The following AGR3 variants were observed in gnomAD, a reference collection of about 807,000 sequenced individuals.
AGR3 encodes the protein anterior gradient 3, protein disulphide isomerase family member, also known as anterior gradient protein 3.
Under a neutral mutation model 24.5 loss-of-function variants are expected in AGR3, and 37 were observed. The ratio of observed to expected loss-of-function variants is 1.51; its 90% CI spans 1.16 to 1.99. AGR3 has a LOEUF of 1.99. Ranked by LOEUF, AGR3 falls within the 30% of genes most tolerant of loss-of-function variation. AGR3 has a pLI of 0.00. For missense variants in AGR3, 228 were observed against 191.1 expected, an observed-to-expected ratio of 1.19 and a Z score of -1.14; for synonymous variants, 75 against 61.6, an observed-to-expected ratio of 1.22 and a Z score of -1.02.
At chr7:16,873,881 A>C (rs747643619) in intron 2 of AGR3, 38 bp from the exon 3 acceptor site, 1 of 1,493,612 alleles carries the variant, frequency 6.7e-7, no homozygotes, top group African/African-American at 1.4e-5. Context: ...GTAACCCAGA[A>C]CTAGAGAAGA....
At chr7:16,877,735 C>T (rs1002360628) in intron 2 of AGR3, among the ~76,000 whole-genome samples, 21 of 151,722 alleles carry the variant, frequency 1.4e-4, no homozygotes, top group African/African-American at 4.4e-4. Context: ...TGGTGGCGGG[C>T]GCCTGTAGTC....
chr7:16,864,413 C>G, intron 3 of AGR3: 2 of 1,270,240 alleles, frequency 1.6e-6, no homozygotes, highest in East Asian at 4.6e-5. Context: ...GTGTCCTGTG[C>G]GGGTTCACCC....
intron 3 of AGR3, among the ~76,000 whole-genome samples, chr7:16,867,985 G>C (rs561943236): frequency 1.3e-5 from 2 of 152,108 alleles, no homozygotes; most frequent in Non-Finnish European, 2.9e-5. Context: ...CCCACCAACA[G>C]TGTAAAAGGG....
chr7:16,870,575 G>C (rs1370198662), intron 3 of AGR3, among the ~76,000 whole-genome samples: 1 of 152,002 alleles, frequency 6.6e-6, no homozygotes, highest in East Asian at 1.9e-4. Flanking sequence ...AATTAATATT[G>C]TCAAATACAA....
At chr7:16,877,812 A>G (rs539842280) in intron 2 of AGR3, among the ~76,000 whole-genome samples, 7 of 150,884 alleles carry the variant, frequency 4.6e-5, no homozygotes, top group African/African-American at 9.7e-5. Flanking sequence ...GCAGTGAGCC[A>G]AGATCGTGCC....
At chr7:16,880,090 T>TCCTTCCTTCCCATTCCTTCTTTCC (rs1562553522) in intron 1 of AGR3, among the ~76,000 whole-genome samples, 5 of 96,236 alleles carry the variant, frequency 5.2e-5, no homozygotes, top group African/African-American at 2.7e-4. Context: ...TCTTTCCCCT[T>TCCTTCCTTCCCATTCCTTCTTTCC]CCTTCCTTCC....
downstream of AGR3, among the ~76,000 whole-genome samples, chr7:16,857,828 TTC>T (rs1044472359): frequency 6.6e-6 from 1 of 152,180 alleles, no homozygotes; most frequent in African/African-American, 2.4e-5. Flanking sequence ...AAACCTTTTT[TTC>T]TCTGACTCAT....
At chr7:16,864,906 C>G (rs919865995) in intron 3 of AGR3, 36 of 903,268 alleles carry the variant, frequency 4.0e-5, no homozygotes, top group Middle Eastern at 2.9e-4. Context: ...CACTGGCTCT[C>G]ACAATATCAT....
At position 16,865,336 on chromosome 7, in the gene AGR3, G is replaced by C. The variant is rs1781735423; in HGVS notation, c.174-2674C>G. 3 of 1,158,340 alleles carry C rather than the reference G, an allele frequency of 2.6e-6. No homozygotes were observed. In the South Asian group the frequency reaches 3.8e-5, roughly 15 times the overall value. The allele number at this position is 1,158,340 out of a possible 1,614,324, so 71.8% of individuals were successfully genotyped here. ...ATATCACCAGAACATCCTTGACAGA[G>C]CACCTCTAGAGAAGTTTTGTCAGGG... On this transcript the variant is annotated intron_variant, in intron 3 of 7. Transcript: ENST00000310398.
At chr7:16,856,980 T>C (rs1157092148), downstream of AGR3, among the ~76,000 whole-genome samples, 1 of 151,430 alleles carries the variant, frequency 6.6e-6, no homozygotes, top group Non-Finnish European at 1.5e-5. Context: ...AGAAAGGTTT[T>C]TTTTTTTTTT....
downstream of AGR3, among the ~76,000 whole-genome samples, chr7:16,855,207 C>G (rs1781539765): frequency 6.6e-6 from 1 of 152,104 alleles, no homozygotes; most frequent in Non-Finnish European, 1.5e-5. Context: ...CTATAGGACA[C>G]TAAAACTTAT....
intron 3 of AGR3, chr7:16,864,574 G>A: frequency 6.9e-7 from 1 of 1,457,916 alleles, no homozygotes; most frequent in Non-Finnish European, 9.6e-7. Flanking sequence ...TTGGATAAGA[G>A]AAATCTGAGC....
intron 2 of AGR3, among the ~76,000 whole-genome samples, chr7:16,878,213 CA>C (rs1782028529): frequency 6.6e-6 from 1 of 151,926 alleles, no homozygotes. Context: ...TATGACGCAG[CA>C]ATCAATCATT....
chr7:16,867,149 C>T (rs1178597224), intron 3 of AGR3, among the ~76,000 whole-genome samples: 1 of 152,218 alleles, frequency 6.6e-6, no homozygotes, highest in East Asian at 1.9e-4. Flanking sequence ...TATCTTCTAG[C>T]ACCTTAATGA....
At chr7:16,880,262 G>A (rs928560253) in intron 1 of AGR3, among the ~76,000 whole-genome samples, 2 of 148,822 alleles carry the variant, frequency 1.3e-5, no homozygotes, top group African/African-American at 5.0e-5. Flanking sequence ...CCAGGTTCAA[G>A]CGATTCTCCT....
chr7:16,878,496 T>G lies in AGR3; in HGVS notation c.109+14A>C. On this transcript the variant is annotated intron_variant, in intron 2 of 7. Transcript: ENST00000310398. Reference sequence around the variant, plus strand: ...AAATGACTGAGTTTAGAAAATAAAATGAGATTACAGCACCTCTTGAGAGTG... The same window carrying G: ...AAATGACTGAGTTTAGAAAATAAAAGGAGATTACAGCACCTCTTGAGAGTG... 97 of 1,595,886 alleles carry G rather than the reference T, an allele frequency of 6.1e-5. No individual in the cohort carries two copies. The highest frequency in any genetic ancestry group is 7.2e-5 in the Non-Finnish European group (84 of 1,164,148).
At chr7:16,859,734 C>T (rs1274781993) in intron 7 of AGR3, 103 bp from the exon 8 acceptor site, 16 of 691,828 alleles carry the variant, frequency 2.3e-5, no homozygotes, top group Non-Finnish European at 3.3e-5. Flanking sequence ...AAATTAATAG[C>T]TTTGAACATG....
intron 5 of AGR3, 61 bp from the exon 6 acceptor site, chr7:16,861,508 A>C (rs1433335560): frequency 6.9e-7 from 1 of 1,441,938 alleles, no homozygotes. Flanking sequence ...TAGTTTCAAG[A>C]TGATTTTGTG....
At chr7:16,863,200 T>A (rs1194380240) in intron 3 of AGR3, among the ~76,000 whole-genome samples, 3 of 152,230 alleles carry the variant, frequency 2.0e-5, no homozygotes, top group African/African-American at 7.2e-5. Flanking sequence ...TACTCTATAG[T>A]GCAGTTAGAG....
Sources: gnomAD v4.1 joint callset for allele counts (sites outside exome capture counted in the v4.1 genomes callset) on GRCh38, gnomAD v4.1.1 for gene constraint, MANE v1.5 for transcripts, NCBI Gene and HGNC (gene_info 2026-07-23, HGNC 2026-07-21) for gene names.